The following CNTNAP2 variants were observed in gnomAD, a reference collection of about 807,000 sequenced individuals.
CNTNAP2 encodes the protein contactin-associated protein-like 2.
Under a neutral mutation model 155.2 loss-of-function variants are expected in CNTNAP2, and 98 were observed. The ratio of observed to expected loss-of-function variants is 0.63; its 90% CI spans 0.54 to 0.75. The LOEUF is 0.75. Ranked by LOEUF, CNTNAP2 falls within the 30% of genes least tolerant of loss-of-function variation. The pLI is 0.00. For synonymous variants in CNTNAP2, 651 were observed against 631.2 expected (o/e 1.03, Z -0.47); for missense variants, 1,727 against 1,688.1 (o/e 1.02, Z -0.40).
chr7:147,360,848 C>A (rs576080112), intron 9 of CNTNAP2, among the ~76,000 whole-genome samples: 4 of 152,134 alleles, frequency 2.6e-5, no homozygotes, highest in East Asian at 3.9e-4. Context: ...GCCAAGGCAA[C>A]AAAATTATAT....
At chr7:147,028,900 A>G (rs1228303526) in intron 3 of CNTNAP2, among the ~76,000 whole-genome samples, 4 of 152,022 alleles carry the variant, frequency 2.6e-5, no homozygotes, top group African/African-American at 9.7e-5. Flanking sequence ...GAAAAATCCA[A>G]TGAAGATAAA....
chr7:147,435,617 A>G (rs1361201920), intron 10 of CNTNAP2, among the ~76,000 whole-genome samples: 5 of 152,160 alleles, frequency 3.3e-5, no homozygotes, highest in South Asian at 4.1e-4. Context: ...ATTCCATCCA[A>G]TGTTCTAATT....
In CNTNAP2 at chr7:147,008,535, TAAC is replaced by T. The variant is rs1448963294; in HGVS notation, c.403-35369_403-35367del. ...CAAATTAGACTGAAGAAAGATTAGT[TAAC>T]AAAAGAAAACAAACAAAATAAAAAA... On this transcript the variant is annotated intron_variant, in intron 3 of 23. Coordinates refer to ENST00000361727, the MANE Select transcript of CNTNAP2 (RefSeq NM_014141.6). 5.9e-5 allele frequency among the ~76,000 whole-genome samples: 9 copies of T among 152,082 alleles called. No homozygotes were observed. The East Asian group carries it at 1.4e-3, about 23-fold the overall frequency.
At chr7:148,258,695 A>G (rs1481069971) in intron 20 of CNTNAP2, among the ~76,000 whole-genome samples, 1 of 152,088 alleles carries the variant, frequency 6.6e-6, no homozygotes, top group Non-Finnish European at 1.5e-5. Flanking sequence ...GCCTCTTCTT[A>G]TCTTCAGCCT....
chr7:146,235,979 T>TGTGA (rs1050059152), intron 1 of CNTNAP2, among the ~76,000 whole-genome samples: 1 of 139,088 alleles, frequency 7.2e-6, no homozygotes, highest in Non-Finnish European at 1.6e-5. Context: ...TGTGTGTGTG[T>TGTGA]GCGCGCGTAT....
chr7:147,116,065 T>C (rs553999203), intron 5 of CNTNAP2, among the ~76,000 whole-genome samples: 90 of 152,264 alleles, frequency 5.9e-4, no homozygotes, highest in Non-Finnish European at 1.1e-3. Context: ...TGGCCACTCA[T>C]CCATAGGGCT....
chr7:148,337,352 C>T (rs569985443), intron 21 of CNTNAP2, among the ~76,000 whole-genome samples: 2 of 152,164 alleles, frequency 1.3e-5, no homozygotes, highest in South Asian at 2.1e-4. Context: ...CTCCCTGAGC[C>T]GGGAGGACTT....
At chr7:148,014,079 A>G (rs2116909035) in intron 15 of CNTNAP2, 1 of 152,276 alleles carries the variant, frequency 6.6e-6, no homozygotes, top group Middle Eastern at 3.4e-3. Context: ...AGTTGGTGTT[A>G]AAGATATTGG....
intron 18 of CNTNAP2, among the ~76,000 whole-genome samples, chr7:148,205,083 G>T (rs1795427677): frequency 6.6e-6 from 1 of 152,226 alleles, no homozygotes; most frequent in South Asian, 2.1e-4. Context: ...ACTCACAAGT[G>T]CCTCTTTTCA....
Position 148,134,839 on chromosome 7 carries a change from A to G in CNTNAP2, c.2555-12652A>G, listed in dbSNP as rs1804903741. Among the ~76,000 whole-genome samples, 3 of 152,302 alleles carry G rather than the reference A, an allele frequency of 2.0e-5. No individual in the cohort carries two copies. In the South Asian group the frequency reaches 6.2e-4, roughly 32 times the overall value. ...TCAGAGCAGCAAAAAGGACAAAACA[A>G]AAATTCAGCTATAATCCCATATTCC... is the stretch of plus-strand genomic sequence containing the variant. On this transcript the variant is annotated intron_variant, in intron 16 of 23. Transcript: ENST00000361727.
Position 147,882,401 on chromosome 7 carries a change from C to A in CNTNAP2, c.2099-21164C>A, listed in dbSNP as rs184962010. 1.8e-3 allele frequency among the ~76,000 whole-genome samples: 281 copies of A among 152,312 alleles called. 2 individuals carry two copies. Among genetic ancestry groups the A allele is most frequent in the Non-Finnish European group, 6.6e-4 (45 of 68,022 alleles). Reference sequence around the variant, plus strand: ...TATCCTTGGGAAGGAACAGAATTCTCTGGGGTCCACTGTCAAATAGTGGAC... The same window carrying A: ...TATCCTTGGGAAGGAACAGAATTCTATGGGGTCCACTGTCAAATAGTGGAC... On this transcript the variant is annotated intron_variant, in intron 13 of 23. Coordinates refer to ENST00000361727, the MANE Select transcript of CNTNAP2 (RefSeq NM_014141.6).
chr7:146,791,608 T>C (rs564027853), intron 2 of CNTNAP2, among the ~76,000 whole-genome samples: 19 of 152,332 alleles, frequency 1.2e-4, no homozygotes, highest in Non-Finnish European at 2.5e-4. Flanking sequence ...TAAAGAATGC[T>C]GATGCTTTGT....
intron 13 of CNTNAP2, among the ~76,000 whole-genome samples, chr7:147,889,917 G>T (rs555881389): frequency 6.6e-6 from 1 of 152,190 alleles, no homozygotes; most frequent in East Asian, 1.9e-4. Flanking sequence ...AAATGTTTTT[G>T]AATATTGACC....
chr7:146,766,083 G>A (rs1802189780), intron 1 of CNTNAP2, among the ~76,000 whole-genome samples: 1 of 152,116 alleles, frequency 6.6e-6, no homozygotes, highest in Non-Finnish European at 1.5e-5. Context: ...TCAGGGCATG[G>A]CAAAATCTGA....
At chr7:148,363,933 A>G (rs1798677269) in intron 21 of CNTNAP2, among the ~76,000 whole-genome samples, 6 of 152,040 alleles carry the variant, frequency 3.9e-5, no homozygotes, top group Admixed American at 2.0e-4. Context: ...GCCCCGGGCA[A>G]TGGGGGACTT....
intron 1 of CNTNAP2, among the ~76,000 whole-genome samples, chr7:146,603,272 C>A (rs1006829614): frequency 6.6e-6 from 1 of 150,690 alleles, no homozygotes; most frequent in South Asian, 2.1e-4. Context: ...ATTAGCCGGG[C>A]GTGGTGGCGG....
intron 1 of CNTNAP2, among the ~76,000 whole-genome samples, chr7:146,578,031 T>C (rs1176453431): frequency 1.3e-5 from 2 of 152,156 alleles, no homozygotes; most frequent in African/African-American, 2.4e-5. Context: ...TAGACAATCA[T>C]TTTAATTTTC....
At chr7:147,318,797 G>A (rs1184776305) in intron 9 of CNTNAP2, among the ~76,000 whole-genome samples, 6 of 152,184 alleles carry the variant, frequency 3.9e-5, no homozygotes, top group African/African-American at 7.2e-5. Context: ...AAACCTGCAC[G>A]TTCTGCACAT....
At chr7:147,555,612 C>A (rs921270277) in intron 11 of CNTNAP2, among the ~76,000 whole-genome samples, 4 of 152,196 alleles carry the variant, frequency 2.6e-5, no homozygotes, top group African/African-American at 7.2e-5. Context: ...TTTCCCTCTT[C>A]TGTACAGTCA....
Sources: allele counts gnomAD v4.1 joint callset (sites outside exome capture counted in the v4.1 genomes callset), GRCh38; gene constraint gnomAD v4.1.1; transcripts MANE v1.5; gene names NCBI Gene and HGNC (gene_info 2026-07-23, HGNC 2026-07-21).